Variants in MRTFB observed in about 807,000 individuals in gnomAD.
MRTFB encodes the protein myocardin-related transcription factor B.
In MRTFB, 29 loss-of-function variants were observed where a neutral mutation model predicts 104.2. The ratio of observed to expected loss-of-function variants is 0.28; its 90% CI spans 0.21 to 0.38. The LOEUF is 0.38. MRTFB is among the 10% of genes least tolerant of loss of function. MRTFB has a pLI of 1.00. For missense variants in MRTFB, 1,270 were observed against 1,341.6 expected (o/e 0.95, Z 0.83); for synonymous variants, 535 against 519.5 (o/e 1.03, Z -0.41).
In MRTFB at chr16:14,177,942, A is replaced by G. The variant is rs1334140366; in HGVS notation, c.155-32301A>G. ...TGTGTGTGTGTGTGTGTGTGCACGC[A>G]TTGGTGGGTGTTTAGAGTTAATAAT... On this transcript the variant is annotated intron_variant, in intron 3 of 16. Transcript: ENST00000571589. This position sits in a 1 kb window ranked among gnomAD's most constrained non-coding sequence, Gnocchi z 4.7. Among the ~76,000 whole-genome samples the G allele has an allele frequency of 6.9e-6, 1 of 145,220 alleles. No individual in the cohort carries two copies. The highest frequency in any genetic ancestry group is 1.5e-5 in the Non-Finnish European group (1 of 66,028).
chr16:14,124,746 G>T (rs749195614), intron 2 of MRTFB, among the ~76,000 whole-genome samples: 2 of 152,156 alleles, frequency 1.3e-5, no homozygotes, highest in African/African-American at 2.4e-5. Context: ...TCTCTGCCAG[G>T]TTTTACGGTA....
intron 3 of MRTFB, chr16:14,186,697 G>A: frequency 7.3e-7 from 1 of 1,370,528 alleles, no homozygotes; most frequent in Non-Finnish European, 9.4e-7. Flanking sequence ...AGAGAGTTAA[G>A]GGCTTCCAGC....
chr16:14,065,585 G>A, the MRTFB span, among the ~76,000 whole-genome samples: 1 of 151,986 alleles, frequency 6.6e-6, no homozygotes, highest in Non-Finnish European at 1.5e-5. Flanking sequence ...GTATGATGTT[G>A]AAGATGCCTC....
the MRTFB span, among the ~76,000 whole-genome samples, chr16:14,037,644 G>C: frequency 6.6e-6 from 1 of 152,154 alleles, no homozygotes; most frequent in Non-Finnish European, 1.5e-5. Flanking sequence ...ACAGTTCCCT[G>C]GACTGGCTGC....
chr16:14,251,877 GCAT>G lies in MRTFB; in HGVS notation c.2425_2427del (p.Ser809del). 6.2e-7 allele frequency: 1 copy of G among 1,613,958 alleles called. No homozygotes were observed. The highest frequency in any genetic ancestry group is 8.5e-7 in the Non-Finnish European group (1 of 1,179,938). On this transcript the variant is annotated inframe_deletion, in exon 14 of 17. Coordinates refer to ENST00000571589, the MANE Select transcript of MRTFB (RefSeq NM_001308142.2). ...TTCATTACAGGTTTTCACAAACTCAGCATCATCAAATACAGTTCTTCCATATCA... is the reference window on the plus strand; with the variant it reads ...TTCATTACAGGTTTTCACAAACTCAGCATCAAATACAGTTCTTCCATATCA...
At chr16:14,028,135 C>G in the MRTFB span, among the ~76,000 whole-genome samples, 1 of 152,126 alleles carries the variant, frequency 6.6e-6, no homozygotes. Context: ...TGAGATTGTG[C>G]CACTACACTC....
chr16:14,007,569 T>C, the MRTFB span, among the ~76,000 whole-genome samples: 1 of 152,236 alleles, frequency 6.6e-6, no homozygotes, highest in Non-Finnish European at 1.5e-5. Context: ...TATGTTTTCA[T>C]TTCTCTTCTA....
chr16:14,127,216 C>A (rs999762556), intron 2 of MRTFB, among the ~76,000 whole-genome samples: 2 of 152,110 alleles, frequency 1.3e-5, no homozygotes, highest in Non-Finnish European at 2.9e-5. Context: ...TAATCAGTTA[C>A]TAAGATGAAT....
the MRTFB span, among the ~76,000 whole-genome samples, chr16:14,025,242 G>A: frequency 6.6e-6 from 1 of 152,166 alleles, no homozygotes; most frequent in Non-Finnish European, 1.5e-5. Flanking sequence ...GTGCCGTGGT[G>A]CAATCATGGC....
chr16:14,147,278 A>G (rs911385786), intron 3 of MRTFB, among the ~76,000 whole-genome samples: 5 of 152,224 alleles, frequency 3.3e-5, no homozygotes, highest in African/African-American at 1.2e-4. Flanking sequence ...ATAGTTTTAA[A>G]AGCAAGCTGT....
At chr16:14,173,582 TTA>T (rs199809121) in intron 3 of MRTFB, among the ~76,000 whole-genome samples, 6,379 of 152,260 alleles carry the variant, frequency 0.042, 397 homozygotes, top group African/African-American at 0.14. Flanking sequence ...ATCTGTAAAT[TTA>T]TGTTTTTCAG....
intron 2 of MRTFB, among the ~76,000 whole-genome samples, chr16:14,108,766 T>C (rs184318737): frequency 1.9e-4 from 29 of 152,338 alleles, no homozygotes; most frequent in Non-Finnish European, 3.8e-4. Flanking sequence ...GTGAACTTAT[T>C]ATGTGTGTGT....
chr16:14,032,480 A>C, the MRTFB span, among the ~76,000 whole-genome samples: 2 of 152,234 alleles, frequency 1.3e-5, no homozygotes, highest in Non-Finnish European at 2.9e-5. Context: ...ATCCTTTATC[A>C]TAAACCAGAA....
intron 8 of MRTFB, among the ~76,000 whole-genome samples, chr16:14,225,497 C>G (rs1356006525): frequency 6.6e-6 from 1 of 152,118 alleles, no homozygotes; most frequent in Admixed American, 6.5e-5. Context: ...TCCGTAGAAT[C>G]TGTGAACAGG....
At chr16:14,036,867 G>A in the MRTFB span, among the ~76,000 whole-genome samples, 2 of 151,950 alleles carry the variant, frequency 1.3e-5, no homozygotes, top group African/African-American at 2.4e-5. Context: ...CCCCAAACAC[G>A]CTCCAGAGCT....
At chr16:13,994,959 C>A in the MRTFB span, among the ~76,000 whole-genome samples, 4 of 151,934 alleles carry the variant, frequency 2.6e-5, no homozygotes, top group Admixed American at 1.3e-4. Context: ...GAAACCCAGA[C>A]GTGTTTGGAG....
chr16:14,129,783 T>G (rs2037346011), intron 2 of MRTFB, among the ~76,000 whole-genome samples: 1 of 152,214 alleles, frequency 6.6e-6, no homozygotes, highest in African/African-American at 2.4e-5. Flanking sequence ...TATTGAACAT[T>G]TATTCGTGTC....
the MRTFB span, chr16:14,015,848 G>C: frequency 2.5e-6 from 1 of 398,462 alleles, no homozygotes; most frequent in Non-Finnish European, 4.4e-6. Flanking sequence ...TTTCCCAGAA[G>C]GTTCTGTACT....
At chr16:14,092,740 A>G (rs2035155375) in intron 2 of MRTFB, 1 of 152,210 alleles carries the variant, frequency 6.6e-6, no homozygotes, top group Non-Finnish European at 1.5e-5. Flanking sequence ...GTAAACTCTC[A>G]CAAGAGATGT....
Sources: allele counts gnomAD v4.1 joint callset (sites outside exome capture counted in the v4.1 genomes callset), GRCh38; gene constraint gnomAD v4.1.1; non-coding constraint Gnocchi (gnomAD v3.1); transcripts MANE v1.5; gene names NCBI Gene and HGNC (gene_info 2026-07-23, HGNC 2026-07-21).